Variants in SLC3A2 observed in about 807,000 individuals in gnomAD.
SLC3A2 encodes solute carrier family 3 member 2.
Under a neutral mutation model 48.5 loss-of-function variants are expected in SLC3A2, and 32 were observed. The ratio of observed to expected loss-of-function variants is 0.66; its 90% CI spans 0.50 to 0.89. The LOEUF is 0.89. Ranked by LOEUF, SLC3A2 falls within the 40% of genes least tolerant of loss-of-function variation. The probability of loss-of-function intolerance (pLI) is 0.00; values close to 1 mark genes in which losing one functional copy is unlikely to be tolerated. For missense variants in SLC3A2, 587 were observed against 680.7 expected (o/e 0.86, Z 1.53); for synonymous variants, 277 against 288.8 (o/e 0.96, Z 0.41).
At position 62,888,689 on chromosome 11, in the gene SLC3A2, C is replaced by A. The variant is rs775719043; in HGVS notation, c.1586C>A (p.Ala529Asp). The A allele has an allele frequency of 6.3e-7, 1 of 1,589,116 alleles. No homozygotes were observed. Among genetic ancestry groups the A allele is most frequent in the East Asian group, 2.2e-5 (1 of 44,632 alleles). ...EGLLLRFPYA[A>D] ...CTGCTGCTCCGCTTCCCCTACGCGG[C>A]CTGACTTCAGCCTGACATGGACCCA... Residue 529 changes from alanine to aspartate, a missense_variant, in exon 9 of 9, where the codon GCC (alanine) becomes GAC (aspartate). Ala to Asp is a moderately radical substitution (Grantham distance 126). Coordinates refer to ENST00000338663, the MANE Select transcript of SLC3A2 (RefSeq NM_001013251.3).
intron 1 of SLC3A2, among the ~76,000 whole-genome samples, chr11:62,872,189 C>T (rs1205409586): frequency 1.3e-5 from 2 of 152,204 alleles, no homozygotes; most frequent in Non-Finnish European, 2.9e-5. Flanking sequence ...GCTGGGATTA[C>T]AGGCGTAAGC....
chr11:62,881,690 C>T lies in SLC3A2; in HGVS notation c.425-203C>T, dbSNP rs2085641594. On this transcript the variant is annotated intron_variant, in intron 1 of 8. Transcript: ENST00000338663. The surrounding 1 kb of genome is among the most constrained non-coding windows in gnomAD (Gnocchi z 4.0). ...CTCAGCGTCCTCCTTCCCCGCGGCG[C>T]CAGAAGCCAGTTGCAACCGGTTTCT... The T allele has an allele frequency of 1.2e-5, 10 of 842,390 alleles. No individual in the cohort carries two copies. In the South Asian group the frequency reaches 1.3e-4, roughly 11 times the overall value. The allele number at this position is 842,390 out of a possible 1,614,324, so 52.2% of individuals were successfully genotyped here.
chr11:62,856,410 G>A, intron 1 of SLC3A2: 2 of 1,576,464 alleles, frequency 1.3e-6, no homozygotes, highest in Non-Finnish European at 1.7e-6. Context: ...AGCTCGGGAG[G>A]AGGTCCCCTT....
chr11:62,881,429 G>A lies in SLC3A2; in HGVS notation c.406G>A (p.Gly136Ser). Residue 136 changes from glycine to serine, a missense_variant, in exon 1 of 9, where the codon GGC becomes AGC. By Grantham distance (56) the Gly-to-Ser change is moderately conservative. Transcript: ENST00000338663. This position sits in a 1 kb window ranked among gnomAD's most constrained non-coding sequence, Gnocchi z 4.0. The part of the protein sequence containing the change: ...IGDLQAFQGH[G>S]AGNLAGLKGR... ...CGACCTTCAGGCCTTCCAGGGCCAC[G>A]GCGCGGGCAACCTGGCGGGTGAGTG... is the stretch of plus-strand genomic sequence containing the variant. The A allele has an allele frequency of 1.9e-6, 3 of 1,587,366 alleles. No homozygotes were observed. Among genetic ancestry groups the A allele is most frequent in the Non-Finnish European group, 2.6e-6 (3 of 1,174,308 alleles).
At chr11:62,868,574 C>T (rs2085477864) in intron 1 of SLC3A2, among the ~76,000 whole-genome samples, 1 of 151,596 alleles carries the variant, frequency 6.6e-6, no homozygotes, top group Non-Finnish European at 1.5e-5. Context: ...ACCATGTTAG[C>T]CAGGATGGTG....
In SLC3A2 at chr11:62,873,070, G is replaced by A. The variant is rs1387488941; in HGVS notation, c.113-7949G>A. Among the ~76,000 whole-genome samples the A allele has an allele frequency of 2.0e-5, 3 of 151,814 alleles. No individual in the cohort carries two copies. The East Asian group carries it at 5.9e-4, about 30-fold the overall frequency. On this transcript the variant is annotated intron_variant, in intron 1 of 9. Transcript: ENST00000377889. ...AGGGTCTCGCTCTGTGGCCTTGGCT[G>A]GAGTGCAGTGGTGTGATCTCAGCTT...
rs1464955901 is a variant in SLC3A2, at chr11:62,884,452, T to C, written c.691-5T>C. 6.8e-6 allele frequency: 11 copies of C among 1,614,032 alleles called. No homozygotes were observed. Among genetic ancestry groups the C allele is most frequent in the Admixed American group, 1.7e-5 (1 of 59,986 alleles). On this transcript the variant is annotated splice_polypyrimidine_tract_variant and splice_region_variant and intron_variant, in intron 3 of 8. Transcript: ENST00000338663. ...GTCTGTCCTTTATTCTTCTGCCCCC[T>C]ATAGGATGCTCTGGAGTTTTGGCTG...
intron 7 of SLC3A2, among the ~76,000 whole-genome samples, chr11:62,887,391 C>T (rs2085728406): frequency 6.6e-6 from 1 of 152,128 alleles, no homozygotes; most frequent in South Asian, 2.1e-4. Flanking sequence ...AGGTGGGAGC[C>T]TGCCTCACTC....
chr11:62,864,790 A>G (rs1400208880), intron 1 of SLC3A2, among the ~76,000 whole-genome samples: 19 of 146,958 alleles, frequency 1.3e-4, no homozygotes, highest in Non-Finnish European at 2.5e-4. Flanking sequence ...TTGTTTTGAG[A>G]CAGAGTCCCA....
At chr11:62,861,498 T>C (rs935553006) in intron 1 of SLC3A2, among the ~76,000 whole-genome samples, 4 of 152,222 alleles carry the variant, frequency 2.6e-5, no homozygotes, top group African/African-American at 9.6e-5. Context: ...TGGGCTCAAG[T>C]GATTCTCCAG....
At position 62,881,861 on chromosome 11, in the gene SLC3A2, G is replaced by A. The variant is rs1295450723; in HGVS notation, c.425-32G>A. ...GGGGAGGTCAGGGGCCTCTCAGAGG[G>A]GCCTCACTTGTTAACCCAGCCCCCA... On this transcript the variant is annotated intron_variant, in intron 1 of 8. Coordinates refer to ENST00000338663, the MANE Select transcript of SLC3A2 (RefSeq NM_001013251.3). The surrounding 1 kb of genome is among the most constrained non-coding windows in gnomAD (Gnocchi z 4.0). 2 of 1,607,976 alleles carry A rather than the reference G, an allele frequency of 1.2e-6. No homozygotes were observed. The highest frequency in any genetic ancestry group is 1.7e-6 in the Non-Finnish European group (2 of 1,176,038).
chr11:62,858,843 A>G (rs1253470915), intron 1 of SLC3A2, among the ~76,000 whole-genome samples: 1 of 152,224 alleles, frequency 6.6e-6, no homozygotes, highest in Non-Finnish European at 1.5e-5. Context: ...ATGCATACAC[A>G]TAAACATCTC....
At chr11:62,874,514 C>A (rs1401641672) in intron 1 of SLC3A2, among the ~76,000 whole-genome samples, 1 of 152,102 alleles carries the variant, frequency 6.6e-6, no homozygotes, top group Non-Finnish European at 1.5e-5. Context: ...GGTTCTATTT[C>A]TTTCACTCTT....
chr11:62,878,403 T>C (rs1020924046), upstream of SLC3A2, among the ~76,000 whole-genome samples: 1 of 151,952 alleles, frequency 6.6e-6, no homozygotes, highest in African/African-American at 2.4e-5. Flanking sequence ...ATCCTCCTGC[T>C]TTTGCTTCCC....
At position 62,888,408 on chromosome 11, in the gene SLC3A2, A is replaced by G. The variant is rs998938767; in HGVS notation, c.1305A>G (p.Leu435=). 1 of 1,614,132 alleles carries G rather than the reference A, an allele frequency of 6.2e-7. No homozygotes were observed. Among genetic ancestry groups the G allele is most frequent in the Non-Finnish European group, 8.5e-7 (1 of 1,180,004 alleles). ...LSDQRSKERS[L]LHGDFHAFSA... is the part of the protein sequence containing the mutation. ...ACCAGCGGAGTAAGGAGCGCTCCCTACTGCATGGGGACTTCCACGCGTTCT... is the reference window on the plus strand; with the variant it reads ...ACCAGCGGAGTAAGGAGCGCTCCCTGCTGCATGGGGACTTCCACGCGTTCT... Residue 435 remains leucine, a synonymous_variant, in exon 9 of 9, where the codon CTA becomes CTG. Transcript: ENST00000338663.
chr11:62,856,453 C>G, intron 1 of SLC3A2: 1 of 1,320,406 alleles, frequency 7.6e-7, no homozygotes, highest in Non-Finnish European at 1.1e-6. Context: ...TATGTCAGGA[C>G]GTAAGTGCTT....
upstream of SLC3A2, among the ~76,000 whole-genome samples, chr11:62,878,317 C>T (rs1002698785): frequency 5.9e-5 from 9 of 152,128 alleles, no homozygotes; most frequent in South Asian, 2.1e-4. Flanking sequence ...GACAGGGTCT[C>T]GCTCTGTCTC....
At chr11:62,868,109 A>G (rs2085472395) in intron 1 of SLC3A2, among the ~76,000 whole-genome samples, 1 of 151,170 alleles carries the variant, frequency 6.6e-6, no homozygotes, top group African/African-American at 2.4e-5. Flanking sequence ...TTTAGTAGAG[A>G]CGGGGTTTCA....
At chr11:62,878,894 C>T (rs2085599073), upstream of SLC3A2, among the ~76,000 whole-genome samples, 1 of 151,672 alleles carries the variant, frequency 6.6e-6, no homozygotes, top group African/African-American at 2.4e-5. Flanking sequence ...CATGCCTCAC[C>T]CCTCCAAGTC....
Sources: gnomAD v4.1 joint callset for allele counts (sites outside exome capture counted in the v4.1 genomes callset) on GRCh38, gnomAD v4.1.1 for gene constraint, Gnocchi (gnomAD v3.1) non-coding constraint, MANE v1.5 for transcripts, NCBI Gene and HGNC (gene_info 2026-07-23, HGNC 2026-07-21) for gene names.